EHD2: variants seen among roughly 807,000 people sequenced by gnomAD.
The protein encoded by EHD2 is EH domain containing 2.
A neutral mutation model predicts 41.0 loss-of-function variants in EHD2; 27 were observed. The observed-to-expected ratio is 0.66, with a 90% CI of 0.49 to 0.91. EHD2 has a LOEUF of 0.91. EHD2 is among the 40% of genes least tolerant of loss of function. The pLI is 0.00. For missense variants in EHD2, 673 were observed against 773.9 expected, an observed-to-expected ratio of 0.87 and a Z score of 1.55; for synonymous variants, 342 against 341.0, an observed-to-expected ratio of 1.00 and a Z score of -0.03.
chr19:47,733,689 T>TAAATAA (rs1376129366), intron 4 of EHD2, among the ~76,000 whole-genome samples: 1 of 116,292 alleles, frequency 8.6e-6, no homozygotes, highest in Non-Finnish European at 1.6e-5. Context: ...AATAAATAAA[T>TAAATAA]AAATAAAGTC....
At chr19:47,725,740 T>G (rs557657557) in intron 3 of EHD2, 72 bp from the exon 4 acceptor site, 1 of 1,512,552 alleles carries the variant, frequency 6.6e-7, no homozygotes, top group East Asian at 2.3e-5. Flanking sequence ...AATGGGATAC[T>G]ACTGAGAATG....
Position 47,741,557 on chromosome 19 carries a change from C to A in EHD2, c.*125C>A. 8.8e-7 allele frequency: 1 copy of A among 1,138,412 alleles called. No individual in the cohort carries two copies. The allele number at this position is 1,138,412 out of a possible 1,614,324, so 70.5% of individuals were successfully genotyped here. On this transcript the variant is annotated 3_prime_UTR_variant, in exon 6 of 6. Transcript: ENST00000263277. The surrounding 1 kb of genome is among the most constrained non-coding windows in gnomAD (Gnocchi z 4.5). ...CCCAGCTGTAAGGACCGGGGGTCTC[C>A]CTCCTCACTACCGCCAGACACCCCG...
At chr19:47,718,180 G>A (rs1458598840) in intron 2 of EHD2, among the ~76,000 whole-genome samples, 3 of 151,286 alleles carry the variant, frequency 2.0e-5, no homozygotes, top group African/African-American at 4.9e-5. Context: ...GGCTTAGGCA[G>A]GAGAATCACT....
chr19:47,722,076 C>A (rs1267441138), intron 3 of EHD2, among the ~76,000 whole-genome samples: 2 of 150,214 alleles, frequency 1.3e-5, no homozygotes, highest in Non-Finnish European at 3.0e-5. Context: ...ATAATACTAG[C>A]GGCCTCATAG....
chr19:47,731,290 A>ATATG (rs2123652216), intron 4 of EHD2: 1 of 93,288 alleles, frequency 1.1e-5, no homozygotes, highest in East Asian at 2.9e-4. Context: ...ATATATATAT[A>ATATG]TATATATATA....
intron 4 of EHD2, chr19:47,732,098 A>G (rs1568592084): frequency 2.7e-5 from 4 of 149,520 alleles, no homozygotes; most frequent in Non-Finnish European, 5.9e-5. Flanking sequence ...CGGCCAATAT[A>G]CTGCATTTTG....
rs57860524 is a variant in EHD2 at position 47,720,113 on chromosome 19, C to CTG, written c.502+1526_502+1527dup. Among the ~76,000 whole-genome samples, 685 of 147,810 alleles carry CTG rather than the reference C, an allele frequency of 4.6e-3. 3 individuals are homozygous for CTG. The highest frequency in any genetic ancestry group is 0.012 in the African/African-American group (495 of 40,388). On this transcript the variant is annotated intron_variant, in intron 3 of 5. Transcript: ENST00000263277. ...ATGACTTTGAATTGTGTACATGCCTCTGTGTGTGTGTGTGTGTGTGCGCAT... is the reference window on the plus strand; with the variant it reads ...ATGACTTTGAATTGTGTACATGCCTCTGTGTGTGTGTGTGTGTGTGTGCGCAT...
intron 5 of EHD2, 74 bp downstream of exon 5, chr19:47,736,607 ACC>A: frequency 6.8e-7 from 1 of 1,479,194 alleles, no homozygotes; most frequent in South Asian, 1.4e-5. Context: ...CTGAGATGGG[ACC>A]TCAAAAGCCA....
chr19:47,741,031 G>A lies in EHD2; in HGVS notation c.1231G>A (p.Gly411Arg), dbSNP rs1966981815. The change falls in exon 6 of 6, where the codon GGG becomes AGG. Residue 411 changes from glycine to arginine, a missense_variant. Coordinates refer to ENST00000263277, the MANE Select transcript of EHD2 (RefSeq NM_014601.4). This position sits in a 1 kb window ranked among gnomAD's most constrained non-coding sequence, Gnocchi z 4.5. ...ELESTEVGVQ[G>R]GAFEGTHMGP... ...GGAGAGCACCGAGGTGGGCGTGCAG[G>A]GGGGCGCTTTTGAGGGCACCCACAT... The A allele has an allele frequency of 3.7e-6, 6 of 1,610,082 alleles. No homozygotes were observed. Among genetic ancestry groups the A allele is most frequent in the Non-Finnish European group, 5.1e-6 (6 of 1,179,702 alleles).
At chr19:47,736,079 C>G (rs781305805) in intron 4 of EHD2, among the ~76,000 whole-genome samples, 2 of 152,150 alleles carry the variant, frequency 1.3e-5, no homozygotes, top group Non-Finnish European at 2.9e-5. Context: ...GCCTGTAATC[C>G]CAGCTACTCA....
chr19:47,715,505 C>T (rs1973616274), intron 1 of EHD2, among the ~76,000 whole-genome samples: 1 of 152,108 alleles, frequency 6.6e-6, no homozygotes, highest in Admixed American at 6.6e-5. Context: ...TGGGTCCTTA[C>T]TGGGGGCCCT....
chr19:47,739,703 C>T (rs1966965174), intron 5 of EHD2, among the ~76,000 whole-genome samples: 1 of 150,830 alleles, frequency 6.6e-6, no homozygotes, highest in African/African-American at 2.4e-5. Flanking sequence ...CCACCTCAGC[C>T]TCCCAAAGTG....
At chr19:47,722,420 C>T (rs974957249) in intron 3 of EHD2, among the ~76,000 whole-genome samples, 8 of 152,228 alleles carry the variant, frequency 5.3e-5, no homozygotes, top group Non-Finnish European at 1.0e-4. Flanking sequence ...AACCCCATCC[C>T]GGTCCCTGCG....
chr19:47,737,552 G>A (rs1966937985), intron 5 of EHD2, among the ~76,000 whole-genome samples: 1 of 151,774 alleles, frequency 6.6e-6, no homozygotes, highest in Admixed American at 6.6e-5. Flanking sequence ...AGCTACTGGG[G>A]AGGCCGAGGC....
chr19:47,721,831 A>G (rs1045579447), intron 3 of EHD2, among the ~76,000 whole-genome samples: 2 of 151,952 alleles, frequency 1.3e-5, no homozygotes, highest in Admixed American at 1.3e-4. Context: ...CTAAAAATAC[A>G]AAAATTAGCT....
chr19:47,726,126 C>A lies in EHD2; in HGVS notation c.817C>A (p.Leu273Met), dbSNP rs867611192. 1.3e-6 allele frequency: 2 copies of A among 1,578,412 alleles called. No individual in the cohort carries two copies. Among genetic ancestry groups the A allele is most frequent in the East Asian group, 2.3e-5 (1 of 43,166 alleles). Residue 273 changes from leucine to methionine, a missense_variant, in exon 4 of 6, where the codon CTG becomes ATG. Transcript: ENST00000263277. ...LVPDNRRLFE[L>M]EEQDLFRDIQ... ...GCCCGACAACCGGCGCCTCTTCGAG[C>A]TGGAGGAGCAGGACCTCTTCCGCGA...
At chr19:47,720,594 A>G (rs1973684860) in intron 3 of EHD2, among the ~76,000 whole-genome samples, 1 of 152,072 alleles carries the variant, frequency 6.6e-6, no homozygotes, top group Non-Finnish European at 1.5e-5. Context: ...TGAGAGAGAC[A>G]GACATAAAGG....
At chr19:47,718,374 T>C in intron 2 of EHD2, 135 bp from the exon 3 acceptor site, 7 of 682,840 alleles carry the variant, frequency 1.0e-5, no homozygotes, top group Admixed American at 2.4e-5. Context: ...CTGGTTGCCC[T>C]TTTTCTGTCC....
In EHD2 at chr19:47,736,380, C is replaced by G. The variant is rs1357819214; in HGVS notation, c.927C>G (p.Tyr309Ter). 1 of 1,613,116 alleles carries G rather than the reference C, an allele frequency of 6.2e-7. No homozygotes were observed. The highest frequency in any genetic ancestry group is 8.5e-7 in the Non-Finnish European group (1 of 1,179,690). Residue 309 changes from tyrosine to a stop codon, truncating the protein, a stop_gained, in exon 5 of 6, where the codon TAC becomes TAG. Transcript: ENST00000263277. LOFTEE classifies it high-confidence loss of function. The stretch of plus-strand genomic sequence containing the variant: ...AACCCTTCCCACAGGTTCACGCTTA[C>G]ATCATCAGCTACCTGAAGAAGGAGA... The part of the protein sequence containing the change: ...KRARLVRVHA[Y>*]IISYLKKEMP...
Sources: allele counts gnomAD v4.1 joint callset (sites outside exome capture counted in the v4.1 genomes callset), GRCh38; gene constraint gnomAD v4.1.1; non-coding constraint Gnocchi (gnomAD v3.1); transcripts MANE v1.5; gene names NCBI Gene and HGNC (gene_info 2026-07-23, HGNC 2026-07-21).